The following TTC39B variants were observed in gnomAD, a reference collection of about 807,000 sequenced individuals.
The protein encoded by TTC39B is tetratricopeptide repeat domain 39B.
A neutral mutation model predicts 96.6 loss-of-function variants in TTC39B; 92 were observed. The observed-to-expected ratio is 0.95, with a 90% confidence interval of 0.80 to 1.13. The LOEUF (loss-of-function observed/expected upper bound fraction) is 1.13, where lower values mean the gene tolerates loss of function less well. Among genes scored for constraint, TTC39B ranks in the 50% most tolerant of loss-of-function variants. The probability of loss-of-function intolerance (pLI) is 0.00; values close to 1 mark genes in which losing one functional copy is unlikely to be tolerated. For synonymous variants in TTC39B, 367 were observed against 299.4 expected, an observed-to-expected ratio of 1.23 and a Z score of -2.33; for missense variants, 955 against 809.3, an observed-to-expected ratio of 1.18 and a Z score of -2.18.
intron 6 of TTC39B, 119 bp from the exon 7 acceptor site, chr9:15,204,009 G>C (rs976808667): frequency 6.3e-6 from 5 of 790,242 alleles, no homozygotes; most frequent in Admixed American, 6.2e-5. Flanking sequence ...AACTTAGATT[G>C]CCCTTGTGCT....
chr9:15,199,787 TAGG>T (rs1054041887), intron 8 of TTC39B, 71 bp downstream of exon 8: 7 of 465,314 alleles, frequency 1.5e-5, no homozygotes, highest in African/African-American at 4.4e-5. Flanking sequence ...AAACTTAATT[TAGG>T]AGAACTGTGA....
At chr9:15,170,320 T>C (rs1418510186) in exon 20 of TTC39B, 1 of 152,162 alleles carries the variant, frequency 6.6e-6, no homozygotes, top group African/African-American at 2.4e-5. Context: ...ATAACCTGGG[T>C]AGCCTACTGT....
exon 20 of TTC39B, chr9:15,165,432 T>C (rs1012039260): frequency 6.6e-6 from 1 of 152,178 alleles, no homozygotes; most frequent in African/African-American, 2.4e-5. Context: ...AAAATAGGAA[T>C]GACTTAAAAT....
chr9:15,296,367 T>C (rs1175600655), intron 1 of TTC39B, among the ~76,000 whole-genome samples: 3 of 152,130 alleles, frequency 2.0e-5, no homozygotes, highest in South Asian at 2.1e-4. Context: ...AGAAATGGGG[T>C]TGGGAAAGGG....
intron 16 of TTC39B, chr9:15,183,271 T>C (rs1008575055): frequency 2.6e-6 from 1 of 389,510 alleles, no homozygotes; most frequent in African/African-American, 2.2e-5. Context: ...ATCATGACAC[T>C]CTACCTTCAA....
chr9:15,201,211 T>C (rs1819519091), intron 7 of TTC39B, among the ~76,000 whole-genome samples: 1 of 151,030 alleles, frequency 6.6e-6, no homozygotes, highest in South Asian at 2.1e-4. Flanking sequence ...TTACATAAAA[T>C]CCAATACCAA....
rs556083847 is a variant in TTC39B, at chr9:15,201,165, T to A, written c.760-1240A>T. 1.2e-4 allele frequency among the ~76,000 whole-genome samples: 19 copies of A among 152,130 alleles called. No homozygotes were observed. In the South Asian group the frequency reaches 2.1e-3, roughly 17 times the overall value. ...TTATAAGAATCAATAGATATGAAAT[T>A]CAATGTTTATCTTCTTAAATTAAGG... On this transcript the variant is annotated intron_variant, in intron 7 of 19. Coordinates refer to ENST00000512701, the Ensembl canonical transcript of TTC39B.
intron 2 of TTC39B, among the ~76,000 whole-genome samples, chr9:15,234,325 G>A (rs867223133): frequency 9.9e-4 from 144 of 145,988 alleles, no homozygotes; most frequent in African/African-American, 2.9e-3. Flanking sequence ...TCAGCCCCCC[G>A]CCCAGCCAGC....
chr9:15,293,528 A>G (rs1217853379), intron 1 of TTC39B, among the ~76,000 whole-genome samples: 1 of 152,182 alleles, frequency 6.6e-6, no homozygotes, highest in Non-Finnish European at 1.5e-5. Flanking sequence ...CTGATGTTAA[A>G]AGTCCATGTT....
At chr9:15,173,690 A>G (rs181088040) in intron 19 of TTC39B, among the ~76,000 whole-genome samples, 2 of 152,264 alleles carry the variant, frequency 1.3e-5, no homozygotes, top group African/African-American at 2.4e-5. Flanking sequence ...AACATTCACA[A>G]AATGACTTCA....
rs139427862 is a variant in TTC39B at position 15,233,226 on chromosome 9, G to A, written c.276-7214C>T. Among the ~76,000 whole-genome samples the A allele has an allele frequency of 6.8e-3, 1,031 of 152,270 alleles. 11 individuals carry two copies. Among genetic ancestry groups the A allele is most frequent in the African/African-American group, 0.023 (974 of 41,554 alleles). Reference sequence around the variant, plus strand: ...CCGTGAGAGAAAACTGGTTCGAGAAGCATGGCCAACATTCCCAATGATCCG... The same window carrying A: ...CCGTGAGAGAAAACTGGTTCGAGAAACATGGCCAACATTCCCAATGATCCG... On this transcript the variant is annotated intron_variant, in intron 2 of 19. Coordinates refer to ENST00000512701, the Ensembl canonical transcript of TTC39B.
intron 2 of TTC39B, among the ~76,000 whole-genome samples, chr9:15,247,757 T>C (rs188249551): frequency 1.5e-3 from 221 of 150,800 alleles, no homozygotes; most frequent in Non-Finnish European, 2.4e-3. Context: ...CCTCTGGGCA[T>C]GAGGCAAAAA....
At chr9:15,289,725 C>T (rs1279484300) in intron 1 of TTC39B, among the ~76,000 whole-genome samples, 2 of 152,096 alleles carry the variant, frequency 1.3e-5, no homozygotes, top group Non-Finnish European at 2.9e-5. Context: ...GTGATATTTC[C>T]TTTTGTTCAC....
intron 2 of TTC39B, among the ~76,000 whole-genome samples, chr9:15,239,025 G>C (rs1238395166): frequency 6.6e-6 from 1 of 151,984 alleles, no homozygotes; most frequent in Non-Finnish European, 1.5e-5. Context: ...TCTGACAAAA[G>C]ACTAACATCC....
exon 14 of TTC39B, chr9:15,188,024 T>C (rs756479249): frequency 8.7e-6 from 14 of 1,612,778 alleles, no homozygotes; most frequent in African/African-American, 2.7e-5. Context: ...TATGCCTGCA[T>C]CCAGTTTTGT....
chr9:15,178,019 A>G (rs1477980917), intron 17 of TTC39B, among the ~76,000 whole-genome samples: 5 of 151,640 alleles, frequency 3.3e-5, no homozygotes, highest in African/African-American at 4.8e-5. Flanking sequence ...ACAGGTGCCC[A>G]CCACCACGCC....
chr9:15,191,161 T>C (rs1339318014), intron 10 of TTC39B, 29 bp downstream of exon 10: 19 of 1,497,872 alleles, frequency 1.3e-5, no homozygotes, highest in Middle Eastern at 3.4e-4. Context: ...ATCTTCCCTG[T>C]CAAAATTAAC....
chr9:15,199,677 G>C (rs1012849736), intron 8 of TTC39B, among the ~76,000 whole-genome samples, 184 bp downstream of exon 8: 1 of 133,162 alleles, frequency 7.5e-6, no homozygotes, highest in African/African-American at 2.8e-5. Context: ...GGAGCTTGCA[G>C]TGAGCCGAGA....
chr9:15,199,768 A>AAAAAT (rs1819420222), intron 8 of TTC39B, 93 bp downstream of exon 8: 1 of 376,420 alleles, frequency 2.7e-6, no homozygotes, highest in African/African-American at 2.3e-5. Context: ...AAAAAAAAAA[A>AAAAAT]TCCTAGTCAA....
Sources: allele counts gnomAD v4.1 joint callset (sites outside exome capture counted in the v4.1 genomes callset), GRCh38; gene constraint gnomAD v4.1.1; transcripts MANE v1.5; gene names NCBI Gene and HGNC (gene_info 2026-07-23, HGNC 2026-07-21).